The following RCBTB1 variants were observed in gnomAD, a reference collection of about 807,000 sequenced individuals.
RCBTB1 encodes the protein RCC1 and BTB domain-containing protein 1.
In RCBTB1, 46 loss-of-function variants were observed where a neutral mutation model predicts 62.4. The observed-to-expected ratio is 0.74, with a 90% CI of 0.58 to 0.94. The LOEUF (loss-of-function observed/expected upper bound fraction) is 0.94, where lower values mean the gene tolerates loss of function less well. Among genes scored for constraint, RCBTB1 ranks in the 40% least tolerant of loss-of-function variants. The probability of loss-of-function intolerance (pLI) is 0.00; values close to 1 mark genes in which losing one functional copy is unlikely to be tolerated. For synonymous variants in RCBTB1, 222 were observed against 245.8 expected (o/e 0.90, Z 0.91); for missense variants, 565 against 654.9 (o/e 0.86, Z 1.50).
At chr13:49,553,565 A>G (rs939206545) in intron 6 of RCBTB1, among the ~76,000 whole-genome samples, 1 of 152,214 alleles carries the variant, frequency 6.6e-6, no homozygotes, top group African/African-American at 2.4e-5. Flanking sequence ...CAGGAGTGTT[A>G]AAGGTTCCAA....
intron 1 of RCBTB1, among the ~76,000 whole-genome samples, chr13:49,581,474 T>C (rs996297468): frequency 1.3e-5 from 2 of 152,174 alleles, no homozygotes; most frequent in African/African-American, 2.4e-5. Context: ...CTATGGACAT[T>C]TGTGCCAGGT....
At chr13:49,584,597 T>C (rs1349761218) in intron 1 of RCBTB1, among the ~76,000 whole-genome samples, 2 of 152,314 alleles carry the variant, frequency 1.3e-5, no homozygotes, top group African/African-American at 4.8e-5. Flanking sequence ...TTTAATGTTA[T>C]TAGCCCACAA....
intron 8 of RCBTB1, chr13:49,550,412 A>ATAG: frequency 1.0e-6 from 1 of 983,688 alleles, no homozygotes; most frequent in African/African-American, 1.7e-5. Flanking sequence ...CAAACTTACT[A>ATAG]TATTTCTCAG....
intron 2 of RCBTB1, among the ~76,000 whole-genome samples, chr13:49,568,947 C>G (rs1003499920): frequency 2.6e-5 from 4 of 152,108 alleles, no homozygotes; most frequent in Non-Finnish European, 5.9e-5. Flanking sequence ...AAATAATGAT[C>G]AGAATAATTG....
rs778969373 is a variant in RCBTB1, at chr13:49,566,676, T to C, written c.219A>G (p.Gly73=). ...LVPKKLEGLC[G]KKIKSLSYGS... ...CGTAACTGAGGCTTTTAATCTTCTT[T>C]CCACATAAGCCTTCTAGCTTTTTGG... is the stretch of plus-strand genomic sequence containing the variant. Residue 73 remains glycine, a synonymous_variant, in exon 4 of 13, where the codon GGA becomes GGG. Transcript: ENST00000378302. The C allele has an allele frequency of 5.0e-6, 8 of 1,614,090 alleles. No homozygotes were observed. The highest frequency in any genetic ancestry group is 6.8e-6 in the Non-Finnish European group (8 of 1,180,034).
intron 5 of RCBTB1, among the ~76,000 whole-genome samples, chr13:49,557,729 G>A (rs7988844): frequency 0.24 from 36,867 of 151,774 alleles, 5,743 homozygotes; most frequent in African/African-American, 0.44. Context: ...AGACCAGCCT[G>A]GGCAACATAG....
rs1236622613 is a variant in RCBTB1, at chr13:49,533,381, T to C, written c.*741A>G. Reference sequence around the variant, plus strand: ...GATAAGTAGTGGAGATTCTAATTTATAAAATATTCACCTTCATCAAATTTC... The same window carrying C: ...GATAAGTAGTGGAGATTCTAATTTACAAAATATTCACCTTCATCAAATTTC... On this transcript the variant is annotated 3_prime_UTR_variant, in exon 13 of 13. Coordinates refer to ENST00000378302, the MANE Select transcript of RCBTB1 (RefSeq NM_018191.4). 6.6e-6 allele frequency: 1 copy of C among 152,212 alleles called. No individual in the cohort carries two copies. The highest frequency in any genetic ancestry group is 1.5e-5 in the Non-Finnish European group (1 of 68,032). The allele number at this position is 152,212 out of a possible 1,614,324, so 9.4% of individuals were successfully genotyped here.
intron 2 of RCBTB1, among the ~76,000 whole-genome samples, chr13:49,573,840 C>T (rs528236920): frequency 2.1e-5 from 3 of 145,056 alleles, no homozygotes; most frequent in East Asian, 2.1e-4. Context: ...CTGGAGTACA[C>T]TGGCACCATC....
chr13:49,539,707 G>A (rs1960207256), intron 12 of RCBTB1, among the ~76,000 whole-genome samples: 1 of 152,064 alleles, frequency 6.6e-6, no homozygotes, highest in Admixed American at 6.6e-5. Context: ...TCACAGGAAG[G>A]ACAGGAAAAA....
chr13:49,584,434 TAC>T (rs1252075711), intron 1 of RCBTB1, among the ~76,000 whole-genome samples: 1 of 152,210 alleles, frequency 6.6e-6, no homozygotes, highest in East Asian at 1.9e-4. Context: ...AATCCAAATA[TAC>T]AGTTACATCC....
At position 49,549,618 on chromosome 13, in the gene RCBTB1, G is replaced by T; in HGVS notation, c.885C>A (p.Ala295=). ...CCTGCGTCTTGGCTGCAGACGTGTG[G>T]GCAGAGTGACAGGCTGCAATCTCTA... ...RVVEIAACHS[A]HTSAAKTQGG... The change falls in exon 9 of 13, where the codon GCC becomes GCA. Residue 295 remains alanine (A), a synonymous_variant. Coordinates refer to ENST00000378302, the MANE Select transcript of RCBTB1 (RefSeq NM_018191.4). 2 of 1,612,846 alleles carry T rather than the reference G, an allele frequency of 1.2e-6. No homozygotes were observed. The highest frequency in any genetic ancestry group is 1.7e-6 in the Non-Finnish European group (2 of 1,179,402).
At chr13:49,545,845 AGAG>A (rs1455105601) in intron 9 of RCBTB1, among the ~76,000 whole-genome samples, 1 of 152,170 alleles carries the variant, frequency 6.6e-6, no homozygotes, top group Non-Finnish European at 1.5e-5. Context: ...AGCAACTCCT[AGAG>A]GAGGGACAAC....
rs376586330 is a variant in RCBTB1 at position 49,566,749 on chromosome 13, T to G, written c.146A>C (p.Asn49Thr). 1 of 1,611,026 alleles carries G rather than the reference T, an allele frequency of 6.2e-7. No individual in the cohort carries two copies. Among genetic ancestry groups the G allele is most frequent in the African/African-American group, 1.3e-5 (1 of 74,706 alleles). The change falls in exon 4 of 13, where the codon AAC (asparagine) becomes ACC (threonine). Residue 49 changes from asparagine (N) to threonine (T), a missense_variant. Coordinates refer to ENST00000378302, the MANE Select transcript of RCBTB1 (RefSeq NM_018191.4). ...DNDEVFVFGL[N>T]YSNCLGTGDN... Reference sequence around the variant, plus strand: ...TCCAGTTCCTAGACAGTTACTATAGTTCAGTCCAAATACAAAGACCTAGAA... The same window carrying G: ...TCCAGTTCCTAGACAGTTACTATAGGTCAGTCCAAATACAAAGACCTAGAA...
At chr13:49,556,411 C>A (rs539291650) in intron 5 of RCBTB1, among the ~76,000 whole-genome samples, 1 of 151,888 alleles carries the variant, frequency 6.6e-6, no homozygotes, top group Non-Finnish European at 1.5e-5. Flanking sequence ...AGGATGGTCT[C>A]GATCTCCTGA....
At chr13:49,571,757 T>G (rs554252538) in intron 2 of RCBTB1, among the ~76,000 whole-genome samples, 10 of 152,272 alleles carry the variant, frequency 6.6e-5, no homozygotes, top group Non-Finnish European at 1.2e-4. Context: ...CCACCAAAAC[T>G]TTCTAATTTA....
rs759249015 is a variant in RCBTB1, at chr13:49,566,637, A to T, written c.258T>A (p.His86Gln). The change falls in exon 4 of 13, where the codon CAT becomes CAA. Residue 86 changes from histidine (H) to glutamine (Q), a missense_variant. Coordinates refer to ENST00000378302, the MANE Select transcript of RCBTB1 (RefSeq NM_018191.4). Reference sequence around the variant, plus strand: ...CCTTACCTTCGGTGCTGAGAAGAACATGTGGTCCACTCCCGTAACTGAGGC... The same window carrying T: ...CCTTACCTTCGGTGCTGAGAAGAACTTGTGGTCCACTCCCGTAACTGAGGC... ...IKSLSYGSGP[H>Q]VLLSTEDGVV... 4 of 1,613,508 alleles carry T rather than the reference A, an allele frequency of 2.5e-6. No individual in the cohort carries two copies. The highest frequency in any genetic ancestry group is 3.4e-6 in the Non-Finnish European group (4 of 1,179,892).
intron 6 of RCBTB1, among the ~76,000 whole-genome samples, chr13:49,555,254 G>A (rs1016541017): frequency 6.6e-6 from 1 of 152,174 alleles, no homozygotes; most frequent in African/African-American, 2.4e-5. Flanking sequence ...AATAGCTATA[G>A]GCATTAGGCT....
intron 5 of RCBTB1, among the ~76,000 whole-genome samples, chr13:49,558,719 T>TAAAA (rs1962161674): frequency 1.7e-5 from 2 of 115,748 alleles, no homozygotes; most frequent in Non-Finnish European, 1.7e-5. Flanking sequence ...AAAAAAAAAT[T>TAAAA]CACAAAGTAG....
rs1961781223 is a variant in RCBTB1, at chr13:49,555,552, C to T, written c.566G>A (p.Gly189Asp). Residue 189 changes from glycine to aspartate, a missense_variant, in exon 6 of 13, where the codon GGT (glycine) becomes GAT (aspartate). Transcript: ENST00000378302. ...HIKRVVGIACGQTSSMAVLDN... is the reference protein window; with the variant it reads ...HIKRVVGIACDQTSSMAVLDN... The stretch of plus-strand genomic sequence containing the variant: ...CAGAACAGCCATGGATGAAGTCTGA[C>T]CACAGGCAATGCCAACTACCCTCTT... 2 of 1,613,962 alleles carry T rather than the reference C, an allele frequency of 1.2e-6. No individual in the cohort carries two copies. The highest frequency in any genetic ancestry group is 1.7e-6 in the Non-Finnish European group (2 of 1,179,836).
Sources: gnomAD v4.1 joint callset for allele counts (sites outside exome capture counted in the v4.1 genomes callset) on GRCh38, gnomAD v4.1.1 for gene constraint, MANE v1.5 for transcripts, NCBI Gene and HGNC (gene_info 2026-07-23, HGNC 2026-07-21) for gene names.